The following TWIST2 variants were observed in gnomAD, a reference collection of about 807,000 sequenced individuals.
The protein encoded by TWIST2 is twist-related protein 2.
In TWIST2, 1 loss-of-function variant was observed where a neutral mutation model predicts 11.6. That is an observed-to-expected ratio of 0.09 (90% CI 0.03 to 0.41). The LOEUF is 0.41. TWIST2 is among the 10% of genes least tolerant of loss of function. TWIST2 has a pLI of 0.98. For synonymous variants in TWIST2, 87 were observed against 96.6 expected (o/e 0.90, Z 0.58); for missense variants, 168 against 226.4 (o/e 0.74, Z 1.66).
intron 1 of TWIST2, among the ~76,000 whole-genome samples, chr2:238,892,259 A>G (rs1693148819): frequency 6.6e-6 from 1 of 152,162 alleles, no homozygotes; most frequent in South Asian, 2.1e-4. Flanking sequence ...ACAGAGAGAA[A>G]CAGAGGTCCA....
intron 1 of TWIST2, among the ~76,000 whole-genome samples, chr2:238,882,712 G>T (rs1692959688): frequency 6.6e-6 from 1 of 152,206 alleles, no homozygotes; most frequent in Non-Finnish European, 1.5e-5. Context: ...AAATGCGTTT[G>T]TAACTTACAT....
chr2:238,883,001 C>T (rs1009192301), intron 1 of TWIST2, among the ~76,000 whole-genome samples: 3 of 152,168 alleles, frequency 2.0e-5, no homozygotes, highest in Non-Finnish European at 2.9e-5. Context: ...CTCTTGACAT[C>T]ATTCCCTCCA....
In TWIST2 at chr2:238,902,823, ATG is replaced by A. The variant is rs1366474009; in HGVS notation, c.*36-7016_*36-7015del. 6.2e-3 allele frequency among the ~76,000 whole-genome samples: 127 copies of A among 20,338 alleles called. No individual in the cohort carries two copies. The Middle Eastern group carries it at 0.14, about 22-fold the overall frequency. 13.3% of individuals were successfully genotyped at this position (20,338 alleles called of 152,430 possible). ...TGTGTGAGGTGTGTGTGATGTGTGTATGTGATATAGTGTGTGTGATGTGGGGT... is the reference window on the plus strand; with the variant it reads ...TGTGTGAGGTGTGTGTGATGTGTGTATGATATAGTGTGTGTGATGTGGGGT... On this transcript the variant is annotated intron_variant, in intron 1 of 1. Coordinates refer to ENST00000612363, the MANE Select transcript of TWIST2 (RefSeq NM_001271893.4).
rs1041493024 is a variant in TWIST2 at position 238,867,590 on chromosome 2, A to G, written c.*35+18857A>G. Among the ~76,000 whole-genome samples the G allele has an allele frequency of 6.6e-6, 1 of 152,126 alleles. No homozygotes were observed. Among genetic ancestry groups the G allele is most frequent in the African/African-American group, 2.4e-5 (1 of 41,424 alleles). On this transcript the variant is annotated intron_variant, in intron 1 of 1. Coordinates refer to ENST00000612363, the MANE Select transcript of TWIST2 (RefSeq NM_001271893.4). This position sits in a 1 kb window ranked among gnomAD's most constrained non-coding sequence, Gnocchi z 4.8. ...CAGGAAAGAATATTTTCACTTTGGC[A>G]CAGGCCTGGCACGGAGGAGCTGTCA... is the stretch of plus-strand genomic sequence containing the variant.
intron 1 of TWIST2, among the ~76,000 whole-genome samples, chr2:238,853,936 A>G (rs1281461510): frequency 2.6e-5 from 4 of 152,212 alleles, no homozygotes; most frequent in Non-Finnish European, 5.9e-5. Flanking sequence ...AGCTGAGTGC[A>G]GTGTCTGCTT....
At chr2:238,876,146 G>A (rs1222920357) in intron 1 of TWIST2, among the ~76,000 whole-genome samples, 2 of 152,218 alleles carry the variant, frequency 1.3e-5, no homozygotes, top group East Asian at 3.9e-4. Context: ...TGGGTGGAGG[G>A]CGGATGGCCA....
intron 1 of TWIST2, among the ~76,000 whole-genome samples, chr2:238,861,029 G>A (rs1692425059): frequency 6.6e-6 from 1 of 152,212 alleles, no homozygotes; most frequent in African/African-American, 2.4e-5. Flanking sequence ...AGCCACCAGG[G>A]AGGAGGTGCA....
At chr2:238,886,065 C>T (rs1464747058) in intron 1 of TWIST2, among the ~76,000 whole-genome samples, 1 of 149,588 alleles carries the variant, frequency 6.7e-6, no homozygotes, top group Non-Finnish European at 1.5e-5. Flanking sequence ...CATTGCACTC[C>T]AGCCTGGGTG....
intron 1 of TWIST2, among the ~76,000 whole-genome samples, chr2:238,889,726 G>T (rs1693099163): frequency 6.6e-6 from 1 of 152,176 alleles, no homozygotes; most frequent in South Asian, 2.1e-4. Flanking sequence ...CCCCTCACAG[G>T]CTGGTGGCCA....
intron 1 of TWIST2, among the ~76,000 whole-genome samples, chr2:238,893,825 C>T (rs1317577481): frequency 6.6e-6 from 1 of 152,206 alleles, no homozygotes; most frequent in African/African-American, 2.4e-5. Flanking sequence ...TCCGCGGCAG[C>T]CTGCACCCGG....
chr2:238,874,559 C>T (rs556322997), intron 1 of TWIST2, among the ~76,000 whole-genome samples: 7 of 152,256 alleles, frequency 4.6e-5, no homozygotes, highest in Non-Finnish European at 7.3e-5. Flanking sequence ...TGGTGAATGC[C>T]GGTCTGCACC....
intron 1 of TWIST2, among the ~76,000 whole-genome samples, chr2:238,862,138 T>C (rs1031011426): frequency 6.6e-6 from 1 of 152,212 alleles, no homozygotes; most frequent in African/African-American, 2.4e-5. Context: ...GAACATCCAG[T>C]GAGCTGAAGT....
chr2:238,899,550 G>A (rs1693244636), intron 1 of TWIST2, among the ~76,000 whole-genome samples: 1 of 152,164 alleles, frequency 6.6e-6, no homozygotes, highest in South Asian at 2.1e-4. Context: ...TCAGCCTCAG[G>A]CCAGGCTCCA....
chr2:238,898,763 G>A (rs1211806362), intron 1 of TWIST2, among the ~76,000 whole-genome samples: 1 of 152,226 alleles, frequency 6.6e-6, no homozygotes, highest in Non-Finnish European at 1.5e-5. Context: ...GTTGGGGTGG[G>A]GGCTGGATGG....
chr2:238,889,924 C>T (rs1410921254), intron 1 of TWIST2, among the ~76,000 whole-genome samples: 1 of 152,012 alleles, frequency 6.6e-6, no homozygotes, highest in African/African-American at 2.4e-5. Context: ...GGCGAGGGTG[C>T]CCGGCTGGCT....
At chr2:238,854,592 C>G (rs1386310220) in intron 1 of TWIST2, among the ~76,000 whole-genome samples, 2 of 152,224 alleles carry the variant, frequency 1.3e-5, no homozygotes, top group East Asian at 1.9e-4. Flanking sequence ...TCCTTTTGCT[C>G]TCTTCCCCGT....
chr2:238,907,054 T>A (rs1239751047), intron 1 of TWIST2, among the ~76,000 whole-genome samples: 1 of 152,194 alleles, frequency 6.6e-6, no homozygotes, highest in African/African-American at 2.4e-5. Flanking sequence ...GCAGGGCCAG[T>A]CTTCAGCGAT....
chr2:238,896,311 G>T (rs1000611586), intron 1 of TWIST2, among the ~76,000 whole-genome samples: 1 of 152,204 alleles, frequency 6.6e-6, no homozygotes, highest in Non-Finnish European at 1.5e-5. Flanking sequence ...CACGGGAGAC[G>T]TCCATAGCAT....
At chr2:238,888,702 G>T (rs1031083178) in intron 1 of TWIST2, among the ~76,000 whole-genome samples, 6 of 152,164 alleles carry the variant, frequency 3.9e-5, no homozygotes, top group Admixed American at 6.5e-5. Context: ...CAAGCATTTG[G>T]AGACTTCAGT....
Sources: allele counts gnomAD v4.1 joint callset (sites outside exome capture counted in the v4.1 genomes callset), GRCh38; gene constraint gnomAD v4.1.1; non-coding constraint Gnocchi (gnomAD v3.1); transcripts MANE v1.5; gene names NCBI Gene and HGNC (gene_info 2026-07-23, HGNC 2026-07-21).